ADAMTSL1: variants seen among roughly 807,000 people sequenced by gnomAD.
The protein encoded by ADAMTSL1 is ADAMTS like 1, also known as ADAMTS-like protein 1.
Under a neutral mutation model 201.8 loss-of-function variants are expected in ADAMTSL1, and 126 were observed. That is an observed-to-expected ratio of 0.62 (90% CI 0.54 to 0.72). The LOEUF is 0.72. Among genes scored for constraint, ADAMTSL1 ranks in the 30% least tolerant of loss-of-function variants. The pLI, the probability that ADAMTSL1 is intolerant of heterozygous loss-of-function variation, is 0.00. For missense variants in ADAMTSL1, 2,679 were observed against 2,277.8 expected, an observed-to-expected ratio of 1.18 and a Z score of -3.59; for synonymous variants, 1,121 against 903.4, an observed-to-expected ratio of 1.24 and a Z score of -4.32.
chr9:17,933,672 G>A (rs1028589401), intron 1 of ADAMTSL1, among the ~76,000 whole-genome samples: 7 of 152,236 alleles, frequency 4.6e-5, no homozygotes, highest in Middle Eastern at 3.4e-3. Context: ...GGCAAAAGTC[G>A]AAGAGAAAGC....
chr9:18,528,381 T>C (rs958179949), intron 2 of ADAMTSL1, among the ~76,000 whole-genome samples: 3 of 152,102 alleles, frequency 2.0e-5, no homozygotes, highest in Non-Finnish European at 2.9e-5. Context: ...TGTGTGTTGT[T>C]ACCCCCATGT....
intron 13 of ADAMTSL1, chr9:18,685,030 G>T (rs1405898126): frequency 8.3e-6 from 10 of 1,205,560 alleles, no homozygotes; most frequent in South Asian, 4.9e-5. Flanking sequence ...AAGGTGTAGT[G>T]CTTACCCTCT....
chr9:18,531,744 T>C (rs1247370508), intron 2 of ADAMTSL1, among the ~76,000 whole-genome samples: 1 of 152,186 alleles, frequency 6.6e-6, no homozygotes, highest in Non-Finnish European at 1.5e-5. Flanking sequence ...TTCTTTGTAT[T>C]CTTCACAGTA....
At chr9:18,607,926 C>T (rs2132583316) in intron 4 of ADAMTSL1, among the ~76,000 whole-genome samples, 1 of 152,278 alleles carries the variant, frequency 6.6e-6, no homozygotes, top group South Asian at 2.1e-4. Context: ...TTTATGACTA[C>T]ATAGTATTCC....
At chr9:17,934,902 TAAA>T (rs59536452) in intron 1 of ADAMTSL1, among the ~76,000 whole-genome samples, 33,845 of 143,672 alleles carry the variant, frequency 0.24, 4,267 homozygotes, top group African/African-American at 0.33. Flanking sequence ...CTATTTCCTT[TAAA>T]AAAAAAAAAA....
intron 4 of ADAMTSL1, among the ~76,000 whole-genome samples, chr9:18,574,827 G>T (rs1822606131): frequency 6.6e-6 from 1 of 152,152 alleles, no homozygotes; most frequent in Non-Finnish European, 1.5e-5. Flanking sequence ...TTACAAAAAG[G>T]TTTGATTTCT....
chr9:18,856,459 G>GA (rs1554649200), intron 23 of ADAMTSL1, among the ~76,000 whole-genome samples: 1 of 81,304 alleles, frequency 1.2e-5, no homozygotes, highest in East Asian at 4.0e-4. Context: ...TGATAAGAAG[G>GA]ATTTTTTTTT....
chr9:18,649,737 G>A (rs568891684), intron 7 of ADAMTSL1, among the ~76,000 whole-genome samples: 5 of 152,168 alleles, frequency 3.3e-5, no homozygotes, highest in South Asian at 2.1e-4. Flanking sequence ...CTGTCTGATC[G>A]TTCCTCTGGA....
intron 1 of ADAMTSL1, among the ~76,000 whole-genome samples, chr9:18,475,991 G>A (rs1587320209): frequency 6.6e-6 from 1 of 151,788 alleles, no homozygotes; most frequent in Non-Finnish European, 1.5e-5. Flanking sequence ...GGAATGAAAA[G>A]GTATGTATGC....
intron 4 of ADAMTSL1, among the ~76,000 whole-genome samples, chr9:18,575,896 A>T (rs1245968759): frequency 6.6e-6 from 1 of 152,136 alleles, no homozygotes; most frequent in South Asian, 2.1e-4. Flanking sequence ...ATTAGGTTTC[A>T]TTTATTTCTT....
chr9:18,574,326 T>C (rs1273987762), intron 4 of ADAMTSL1, 60 bp downstream of exon 4: 6 of 1,382,956 alleles, frequency 4.3e-6, no homozygotes, highest in South Asian at 3.5e-5. Flanking sequence ...TTTGTGTAAA[T>C]GGTTTACATA....
chr9:18,621,105 G>A (rs1826010934), intron 4 of ADAMTSL1, among the ~76,000 whole-genome samples: 2 of 152,152 alleles, frequency 1.3e-5, no homozygotes, highest in Non-Finnish European at 2.9e-5. Flanking sequence ...CCCTTCAGTT[G>A]TCACTACCAT....
At chr9:18,032,687 C>T (rs751256717) in intron 1 of ADAMTSL1, among the ~76,000 whole-genome samples, 1 of 152,180 alleles carries the variant, frequency 6.6e-6, no homozygotes, top group Non-Finnish European at 1.5e-5. Context: ...TTCTGGGCTC[C>T]GCACAAGACC....
intron 8 of ADAMTSL1, 38 bp from the exon 9 acceptor site, chr9:18,661,897 T>C (rs1254952485): frequency 5.0e-6 from 8 of 1,595,830 alleles, no homozygotes; most frequent in Non-Finnish European, 6.0e-6. Context: ...TGCATTGGCA[T>C]GTACATTTAA....
At chr9:18,507,710 C>A (rs1384649925) in intron 2 of ADAMTSL1, among the ~76,000 whole-genome samples, 1 of 152,132 alleles carries the variant, frequency 6.6e-6, no homozygotes, top group Non-Finnish European at 1.5e-5. Context: ...CACCTACAAA[C>A]CCCCTACCCC....
intron 1 of ADAMTSL1, among the ~76,000 whole-genome samples, chr9:18,067,905 G>C (rs895951466): frequency 7.2e-5 from 11 of 152,172 alleles, no homozygotes; most frequent in African/African-American, 2.4e-4. Flanking sequence ...GCTCTCCTGA[G>C]ATTCAAACAG....
chr9:17,940,712 C>CAAAAAAAAAAAAAAAA, intron 1 of ADAMTSL1, among the ~76,000 whole-genome samples: 1 of 88,678 alleles, frequency 1.1e-5, no homozygotes. Flanking sequence ...GCATAACGTG[C>CAAAAAAAAAAAAAAAA]AAAAAAAAAA....
chr9:18,563,876 C>T (rs535704279), intron 3 of ADAMTSL1, among the ~76,000 whole-genome samples: 1 of 152,312 alleles, frequency 6.6e-6, no homozygotes, highest in South Asian at 2.1e-4. Context: ...CAAGCTCCAG[C>T]ATTTCAGGTC....
intron 2 of ADAMTSL1, among the ~76,000 whole-genome samples, chr9:18,263,616 C>A (rs1832007023): frequency 6.6e-6 from 1 of 152,214 alleles, no homozygotes; most frequent in East Asian, 1.9e-4. Flanking sequence ...AAGTTTCTGT[C>A]CCCTACCCCA....
Sources: gnomAD v4.1 joint callset for allele counts (sites outside exome capture counted in the v4.1 genomes callset) on GRCh38, gnomAD v4.1.1 for gene constraint, MANE v1.5 for transcripts, NCBI Gene and HGNC (gene_info 2026-07-23, HGNC 2026-07-21) for gene names.